Variants in RELN observed in about 807,000 individuals in gnomAD.
RELN encodes the protein reelin.
In RELN, 108 loss-of-function variants were observed where a neutral mutation model predicts 427.6. The observed-to-expected ratio is 0.25, with a 90% CI of 0.22 to 0.30. RELN has a LOEUF of 0.30. Ranked by LOEUF, RELN falls within the 10% of genes least tolerant of loss-of-function variation. RELN has a pLI of 1.00. For missense variants in RELN, 3,715 were observed against 4,302.8 expected, an observed-to-expected ratio of 0.86 and a Z score of 3.82; for synonymous variants, 1,524 against 1,513.4, an observed-to-expected ratio of 1.01 and a Z score of -0.16.
At chr7:103,583,677 A>T (rs548258234) in intron 28 of RELN, among the ~76,000 whole-genome samples, 1 of 152,322 alleles carries the variant, frequency 6.6e-6, no homozygotes, top group South Asian at 2.1e-4. Flanking sequence ...ACTAAAGACA[A>T]ACAGAGAACT....
At position 103,945,360 on chromosome 7, in the gene RELN, G is replaced by A. The variant is rs78097136; in HGVS notation, c.227-28175C>T. Reference sequence around the variant, plus strand: ...AGAGATTACACTCCTGATTCTCTAGGCCTCTCAGACACTTTCCAACAGCTG... The same window carrying A: ...AGAGATTACACTCCTGATTCTCTAGACCTCTCAGACACTTTCCAACAGCTG... On this transcript the variant is annotated intron_variant, in intron 1 of 64. Coordinates refer to ENST00000428762, the MANE Select transcript of RELN (RefSeq NM_005045.4). Among the ~76,000 whole-genome samples the A allele has an allele frequency of 5.4e-3, 826 of 152,154 alleles. 8 individuals are homozygous for A. The highest frequency in any genetic ancestry group is 0.019 in the African/African-American group (798 of 41,508).
intron 2 of RELN, among the ~76,000 whole-genome samples, chr7:103,842,802 T>G (rs1418807193): frequency 6.6e-6 from 1 of 152,176 alleles, no homozygotes; most frequent in Non-Finnish European, 1.5e-5. Context: ...TTTCCACACC[T>G]CTAGTTAGTT....
intron 1 of RELN, among the ~76,000 whole-genome samples, chr7:103,943,519 A>C (rs1426858305): frequency 6.6e-6 from 1 of 152,148 alleles, no homozygotes; most frequent in Admixed American, 6.5e-5. Flanking sequence ...GAGAAGTGTT[A>C]GGTGAGTTCA....
intron 3 of RELN, among the ~76,000 whole-genome samples, chr7:103,813,547 ATATT>A (rs1210938735): frequency 1.3e-5 from 2 of 152,076 alleles, no homozygotes; most frequent in African/African-American, 4.8e-5. Flanking sequence ...TAATTTTAGA[ATATT>A]TATAATTTTT....
chr7:103,475,170 G>A (rs1208653088), intron 64 of RELN, among the ~76,000 whole-genome samples: 2 of 151,826 alleles, frequency 1.3e-5, no homozygotes, highest in Non-Finnish European at 2.9e-5. Context: ...TAGATTCTAC[G>A]TGTTCAAGTA....
intron 6 of RELN, among the ~76,000 whole-genome samples, chr7:103,745,583 T>C (rs1347524633): frequency 6.6e-6 from 1 of 151,298 alleles, no homozygotes; most frequent in Non-Finnish European, 1.5e-5. Context: ...GGATACAAAA[T>C]CAATGTGCAA....
At chr7:103,741,953 C>T (rs769496332) in intron 6 of RELN, among the ~76,000 whole-genome samples, 18 of 152,090 alleles carry the variant, frequency 1.2e-4, no homozygotes, top group South Asian at 2.1e-4. Context: ...GATCTGAGAA[C>T]GGGCAGACTG....
chr7:103,864,304 T>C lies in RELN; in HGVS notation c.338-30632A>G, dbSNP rs190937954. ...TTTTTTTAATTGTAGTAAGAACACT[T>C]AATACGAGGTCCACCCTCTTTAACA... On this transcript the variant is annotated intron_variant, in intron 2 of 64. Transcript: ENST00000428762. Among the ~76,000 whole-genome samples, 37 of 152,256 alleles carry C rather than the reference T, an allele frequency of 2.4e-4. 1 individual carries two copies. The highest frequency in any genetic ancestry group is 2.4e-3 in the Admixed American group (37 of 15,286).
chr7:103,532,463 GA>G (rs35237678), intron 46 of RELN, among the ~76,000 whole-genome samples: 24,132 of 148,278 alleles, frequency 0.16, 2,639 homozygotes, highest in South Asian at 0.31. Context: ...AGCTGGAAAT[GA>G]AAAAAAAAAG....
At chr7:103,909,512 CAGG>C (rs1208385322) in intron 2 of RELN, among the ~76,000 whole-genome samples, 4 of 147,782 alleles carry the variant, frequency 2.7e-5, no homozygotes, top group South Asian at 2.1e-4. Flanking sequence ...GAGGCTGAGG[CAGG>C]AGAATTGCTT....
At chr7:103,946,773 G>A (rs1796228059) in intron 1 of RELN, among the ~76,000 whole-genome samples, 1 of 152,156 alleles carries the variant, frequency 6.6e-6, no homozygotes, top group Admixed American at 6.5e-5. Flanking sequence ...AGCTTTTGAT[G>A]AAATTCTTGA....
rs551158645 is a variant in RELN, at chr7:103,882,373, A to T, written c.337+34702T>A. On this transcript the variant is annotated intron_variant, in intron 2 of 64. Coordinates refer to ENST00000428762, the MANE Select transcript of RELN (RefSeq NM_005045.4). Reference sequence around the variant, plus strand: ...TATTACTATGACTCTTCATTCTCTAAATCTCAGTTATCTTTGAATGGGATA... The same window carrying T: ...TATTACTATGACTCTTCATTCTCTATATCTCAGTTATCTTTGAATGGGATA... Among the ~76,000 whole-genome samples, 3 of 152,210 alleles carry T rather than the reference A, an allele frequency of 2.0e-5. No homozygotes were observed. The South Asian group carries it at 6.2e-4, about 32-fold the overall frequency.
intron 4 of RELN, among the ~76,000 whole-genome samples, chr7:103,769,193 G>C (rs560760137): frequency 6.6e-6 from 1 of 152,306 alleles, no homozygotes; most frequent in South Asian, 2.1e-4. Context: ...GCTGTGATTT[G>C]AATGTGTCCC....
At chr7:103,659,741 A>G (rs897611596) in intron 12 of RELN, among the ~76,000 whole-genome samples, 16 of 152,164 alleles carry the variant, frequency 1.1e-4, no homozygotes, top group Non-Finnish European at 1.5e-5. Flanking sequence ...TAATTTTTAT[A>G]TCAATAACAA....
chr7:103,898,285 A>T (rs908011382), intron 2 of RELN, among the ~76,000 whole-genome samples: 1 of 152,048 alleles, frequency 6.6e-6, no homozygotes, highest in Non-Finnish European at 1.5e-5. Flanking sequence ...ATTATTATTT[A>T]AAAATATTAT....
rs761599672 is a variant in RELN at position 103,572,269 on chromosome 7, T to C, written c.4512-9A>G. 1 of 1,482,674 alleles carries C rather than the reference T, an allele frequency of 6.7e-7. No homozygotes were observed. The highest frequency in any genetic ancestry group is 1.7e-5 in the Admixed American group (1 of 59,862). 91.8% of individuals were successfully genotyped at this position (1,482,674 alleles called of 1,614,324 possible). A position where few individuals can be genotyped will look rare whatever the true frequency, so the allele number is the denominator to read the frequency against. The stretch of plus-strand genomic sequence containing the variant: ...TATAAAATTGAACAAGTCTGGGGAA[T>C]AAAAACTTTAGTTTACTTACAAACA... On this transcript the variant is annotated splice_polypyrimidine_tract_variant and intron_variant, in intron 30 of 64. Transcript: ENST00000428762.
At chr7:103,799,628 A>C (rs1202119519) in intron 3 of RELN, among the ~76,000 whole-genome samples, 6 of 152,186 alleles carry the variant, frequency 3.9e-5, no homozygotes. Context: ...TTCCTCAGAG[A>C]GGCCTTTCCC....
At chr7:103,937,203 T>A (rs1353791276) in intron 1 of RELN, among the ~76,000 whole-genome samples, 1 of 152,214 alleles carries the variant, frequency 6.6e-6, no homozygotes, top group African/African-American at 2.4e-5. Context: ...AATTAATCAA[T>A]TCATTAGAAG....
chr7:103,887,096 C>CA (rs1306995959), intron 2 of RELN, among the ~76,000 whole-genome samples: 1 of 152,144 alleles, frequency 6.6e-6, no homozygotes, highest in Admixed American at 6.5e-5. Flanking sequence ...CATCCTTGGA[C>CA]AATTCTGGCA....
Sources: allele counts gnomAD v4.1 joint callset (sites outside exome capture counted in the v4.1 genomes callset), GRCh38; gene constraint gnomAD v4.1.1; transcripts MANE v1.5; gene names NCBI Gene and HGNC (gene_info 2026-07-23, HGNC 2026-07-21).